Variants in AGBL3 observed in about 807,000 individuals in gnomAD.
AGBL3 encodes AGBL carboxypeptidase 3.
In AGBL3, 68 loss-of-function variants were observed where a neutral mutation model predicts 94.5. That is an observed-to-expected ratio of 0.72 (90% confidence interval 0.59 to 0.88). The LOEUF (loss-of-function observed/expected upper bound fraction) is 0.88. Among genes scored for constraint, AGBL3 ranks in the 40% least tolerant of loss-of-function variants. The pLI is 0.00. For missense variants in AGBL3, 934 were observed against 1,103.8 expected, an observed-to-expected ratio of 0.85 and a Z score of 2.18; for synonymous variants, 354 against 370.7, an observed-to-expected ratio of 0.95 and a Z score of 0.52.
rs1274679166 is a variant in AGBL3 at position 135,115,539 on chromosome 7, G to C, written c.2270G>C (p.Ser757Thr). The C allele has an allele frequency of 1.3e-6, 2 of 1,551,420 alleles. No individual in the cohort carries two copies. The highest frequency in any genetic ancestry group is 2.7e-5 in the African/African-American group (2 of 73,158). ...CAGTATTTGCTCCCCATCGTGCATA[G>C]CACTAAAAACATGCAAACCACTCAG... Reference protein sequence around the residue: ...ILQYLLPIVHSTKNMQTTQIK... With the variant: ...ILQYLLPIVHTTKNMQTTQIK... The change falls in exon 16 of 17, where the codon AGC becomes ACC. Residue 757 changes from serine to threonine, a missense_variant. Physicochemically the swap from Ser to Thr is moderately conservative, Grantham distance 58. Transcript: ENST00000436302.
intron 2 of AGBL3, chr7:134,988,201 A>AT (rs1191974875): frequency 8.9e-5 from 34 of 381,460 alleles, no homozygotes; most frequent in Non-Finnish European, 1.1e-4. Context: ...CTATATTTGT[A>AT]TTTTTTTTGA....
chr7:135,055,064 T>C (rs1205056739), intron 11 of AGBL3, among the ~76,000 whole-genome samples: 1 of 152,090 alleles, frequency 6.6e-6, no homozygotes, highest in Non-Finnish European at 1.5e-5. Context: ...AGGGACATCT[T>C]TGCTTTATAA....
chr7:135,036,926 C>CTTT (rs143901673), intron 7 of AGBL3, among the ~76,000 whole-genome samples: 72,712 of 150,834 alleles, frequency 0.48, 17,794 homozygotes, highest in South Asian at 0.65. Context: ...TGCATGCAGA[C>CTTT]TTTTTTTTTA....
At chr7:135,041,437 C>T (rs536679358) in intron 8 of AGBL3, among the ~76,000 whole-genome samples, 4 of 152,242 alleles carry the variant, frequency 2.6e-5, no homozygotes, top group African/African-American at 9.6e-5. Context: ...TACAGAATAG[C>T]AAGTCTAGTA....
At chr7:135,131,104 T>C (rs1461632911) in intron 16 of AGBL3, among the ~76,000 whole-genome samples, 1 of 151,952 alleles carries the variant, frequency 6.6e-6, no homozygotes, top group Non-Finnish European at 1.5e-5. Context: ...AAAATAAAAA[T>C]AAATTTAAAA....
chr7:135,003,812 G>A (rs1010469648), intron 4 of AGBL3, among the ~76,000 whole-genome samples: 1 of 150,990 alleles, frequency 6.6e-6, no homozygotes, highest in African/African-American at 2.4e-5. Flanking sequence ...TTATTTTTGT[G>A]TGTATTACTT....
At chr7:135,059,071 G>T in intron 11 of AGBL3, 98 bp from the exon 12 acceptor site, 2 of 983,298 alleles carry the variant, frequency 2.0e-6, no homozygotes, top group South Asian at 1.6e-5. Flanking sequence ...CTTATAATTA[G>T]AACTTTTCAA....
chr7:135,054,062 T>C lies in AGBL3; in HGVS notation c.1842-5107T>C, dbSNP rs566904671. ...TCTATGATGGCATAAGTGAAACACA[T>C]CAAGTCAGTACTGAGAGACCCTTAA... On this transcript the variant is annotated intron_variant, in intron 11 of 16. Coordinates refer to ENST00000436302, the MANE Select transcript of AGBL3 (RefSeq NM_178563.4). Among the ~76,000 whole-genome samples the C allele has an allele frequency of 1.0e-3, 159 of 152,304 alleles. 2 individuals are homozygous for C. Among genetic ancestry groups the C allele is most frequent in the African/African-American group, 3.8e-3 (157 of 41,578 alleles).
intron 3 of AGBL3, 81 bp from the exon 4 acceptor site, chr7:134,993,412 A>G: frequency 8.2e-7 from 1 of 1,217,464 alleles, no homozygotes; most frequent in Non-Finnish European, 1.1e-6. Flanking sequence ...TGTTGAAAGG[A>G]AAAAAGGAAC....
intron 1 of AGBL3, 55 bp from the exon 2 acceptor site, chr7:134,987,816 CATTT>C: frequency 1.5e-6 from 1 of 688,400 alleles, no homozygotes; most frequent in Non-Finnish European, 2.5e-6. Context: ...TTTGAGTACT[CATTT>C]AATGTAGTAA....
intron 11 of AGBL3, among the ~76,000 whole-genome samples, chr7:135,054,861 C>T (rs1315099789): frequency 1.3e-5 from 2 of 152,100 alleles, no homozygotes; most frequent in Non-Finnish European, 2.9e-5. Flanking sequence ...AATGTTGCTA[C>T]AACAGAATAC....
intron 4 of AGBL3, among the ~76,000 whole-genome samples, chr7:135,015,197 A>G (rs1813625070): frequency 2.0e-5 from 3 of 152,208 alleles, no homozygotes; most frequent in Non-Finnish European, 2.9e-5. Flanking sequence ...TACTCAGAAA[A>G]TCTTGAAATG....
At chr7:135,002,952 A>G (rs1811911571) in intron 4 of AGBL3, among the ~76,000 whole-genome samples, 1 of 152,150 alleles carries the variant, frequency 6.6e-6, no homozygotes, top group South Asian at 2.1e-4. Flanking sequence ...CTGCCTATGC[A>G]GGAGATTTGA....
intron 13 of AGBL3, among the ~76,000 whole-genome samples, chr7:135,077,093 G>A (rs754957180): frequency 2.0e-5 from 3 of 152,336 alleles, no homozygotes; most frequent in Non-Finnish European, 4.4e-5. Flanking sequence ...CACTAGTGTA[G>A]ACAAGAAATT....
intron 4 of AGBL3, chr7:135,011,796 C>G (rs1210316720): frequency 1.3e-5 from 2 of 152,126 alleles, no homozygotes; most frequent in Non-Finnish European, 2.9e-5. Flanking sequence ...ATGGAGCAAA[C>G]AGAAACTTTG....
intron 8 of AGBL3, among the ~76,000 whole-genome samples, chr7:135,039,001 T>C (rs189240296): frequency 1.3e-5 from 2 of 152,162 alleles, no homozygotes; most frequent in South Asian, 2.1e-4. Context: ...CAATTATAGT[T>C]GGAGATTTTA....
chr7:135,067,310 G>C (rs759330037), intron 12 of AGBL3, among the ~76,000 whole-genome samples: 1 of 152,230 alleles, frequency 6.6e-6, no homozygotes, highest in Non-Finnish European at 1.5e-5. Flanking sequence ...TCCACCTCTG[G>C]GGGCAGGGCA....
chr7:135,045,472 A>T lies in AGBL3; in HGVS notation c.1628-2A>T. 6.5e-7 allele frequency: 1 copy of T among 1,550,086 alleles called. No individual in the cohort carries two copies. The highest frequency in any genetic ancestry group is 8.7e-7 in the Non-Finnish European group (1 of 1,145,622). ...GGGTGGATAAACTTATTGATGTTTT[A>T]GGTAACAAACGAGGCACTCATTTCA... On this transcript the variant is annotated splice_acceptor_variant, in intron 9 of 16. Coordinates refer to ENST00000436302, the MANE Select transcript of AGBL3 (RefSeq NM_178563.4). LOFTEE classifies it high-confidence loss of function.
At chr7:135,126,256 G>C (rs984563723) in intron 16 of AGBL3, among the ~76,000 whole-genome samples, 1 of 152,052 alleles carries the variant, frequency 6.6e-6, no homozygotes, top group East Asian at 1.9e-4. Context: ...ACATAGATAA[G>C]CAGAGAGCCA....
Sources: gnomAD v4.1 joint callset for allele counts (sites outside exome capture counted in the v4.1 genomes callset) on GRCh38, gnomAD v4.1.1 for gene constraint, MANE v1.5 for transcripts, NCBI Gene and HGNC (gene_info 2026-07-23, HGNC 2026-07-21) for gene names.